INTS6L: variants seen among roughly 807,000 people sequenced by gnomAD.
INTS6L encodes the protein integrator complex subunit 6-like.
INTS6L carries 18 observed loss-of-function variants against 64.7 expected under a neutral mutation model. That is an observed-to-expected ratio of 0.28 (90% CI 0.19 to 0.41). The LOEUF (loss-of-function observed/expected upper bound fraction) is 0.41. INTS6L is among the 10% of genes least tolerant of loss of function. The pLI, the probability that INTS6L is intolerant of heterozygous loss-of-function variation, is 1.00. For missense variants in INTS6L, 533 were observed against 661.0 expected, an observed-to-expected ratio of 0.81 and a Z score of 2.12; for synonymous variants, 227 against 235.9, an observed-to-expected ratio of 0.96 and a Z score of 0.34.
chrX:135,580,010 A>G lies in INTS6L; in HGVS notation c.2342A>G (p.Asn781Ser). 1 of 1,211,918 alleles carries G rather than the reference A, an allele frequency of 8.3e-7. No individual in the cohort carries two copies. Among genetic ancestry groups the G allele is most frequent in the Non-Finnish European group, 1.1e-6 (1 of 895,514 alleles). ...GSNAFVGGAK[N>S]CSLSVDDQKD... Reference sequence around the variant, plus strand: ...AACGCATTTGTAGGAGGAGCCAAAAACTGCAGTCTCTCCGTAGATGACCAA... The same window carrying G: ...AACGCATTTGTAGGAGGAGCCAAAAGCTGCAGTCTCTCCGTAGATGACCAA... Residue 781 changes from asparagine (N) to serine (S), a missense_variant, in exon 16 of 18, where the codon AAC (asparagine) becomes AGC (serine). Transcript: ENST00000639893.
intron 8 of INTS6L, among the ~76,000 whole-genome samples, chrX:135,554,340 CCT>C (rs1210924589): frequency 9.0e-6 from 1 of 111,687 alleles, no homozygotes; most frequent in Non-Finnish European, 1.9e-5. Context: ...ATGAATTTTT[CCT>C]CTCTTCTAAT....
intron 2 of INTS6L, among the ~76,000 whole-genome samples, chrX:135,543,129 C>T (rs782275666): frequency 4.2e-4 from 47 of 111,427 alleles, no homozygotes; most frequent in African/African-American, 1.5e-3. Context: ...GCTTCAGCCT[C>T]CCCTCCACCC....
rs782314200 is a variant in INTS6L at position 135,572,873 on chromosome X, T to C, written c.1457T>C (p.Ile486Thr). Residue 486 changes from isoleucine (I) to threonine (T), a missense_variant, in exon 12 of 18, where the codon ATT becomes ACT. Ile to Thr is a moderately conservative substitution (Grantham distance 89). Transcript: ENST00000639893. ...ASVGKKPPQE[I>T]GIKVKNHSGG... ...GTGGGGAAGAAACCTCCCCAGGAAA[T>C]TGGAATTAAAGTGAAAAATCATTCT... The C allele has an allele frequency of 1.1e-5, 13 of 1,209,529 alleles. No homozygotes were observed. The highest frequency in any genetic ancestry group is 1.1e-4 in the South Asian group (6 of 56,775).
chrX:135,536,537 G>A (rs1043768907), intron 2 of INTS6L, among the ~76,000 whole-genome samples: 1 of 111,426 alleles, frequency 9.0e-6, no homozygotes, highest in African/African-American at 3.3e-5. Flanking sequence ...GATAGAACAG[G>A]AGTTTTTCAG....
chrX:135,574,942 G>C (rs782438745), intron 13 of INTS6L, 142 bp from the exon 14 acceptor site: 4 of 572,881 alleles, frequency 7.0e-6, no homozygotes, highest in South Asian at 6.5e-5. Flanking sequence ...GATGATTCTA[G>C]ATCCTAGAAT....
intron 9 of INTS6L, among the ~76,000 whole-genome samples, chrX:135,561,908 G>A (rs1472906572): frequency 9.0e-6 from 1 of 111,071 alleles, no homozygotes; most frequent in African/African-American, 3.3e-5. Flanking sequence ...TTGATAATAC[G>A]GGTCTTATGT....
intron 2 of INTS6L, among the ~76,000 whole-genome samples, chrX:135,524,627 T>G (rs1036449081): frequency 9.0e-6 from 1 of 111,571 alleles, no homozygotes; most frequent in Non-Finnish European, 1.9e-5. Context: ...TGCATTTGGT[T>G]GGAAGATTTT....
At chrX:135,534,830 AT>A (rs2086010652) in intron 2 of INTS6L, among the ~76,000 whole-genome samples, 1 of 108,895 alleles carries the variant, frequency 9.2e-6, no homozygotes, top group South Asian at 4.1e-4. Context: ...TGGTTGGCTA[AT>A]TTGTATGTTA....
intron 9 of INTS6L, among the ~76,000 whole-genome samples, chrX:135,557,761 G>A (rs1207860105): frequency 1.8e-5 from 2 of 111,956 alleles, no homozygotes; most frequent in Non-Finnish European, 3.8e-5. Flanking sequence ...GACCTCAAAA[G>A]CACAGGCTGC....
chrX:135,528,873 C>CA (rs202219423), intron 2 of INTS6L, among the ~76,000 whole-genome samples: 4 of 78,163 alleles, frequency 5.1e-5, no homozygotes, highest in South Asian at 2.2e-3. Flanking sequence ...AACACCCCCC[C>CA]CCCCGACCCA....
intron 2 of INTS6L, among the ~76,000 whole-genome samples, chrX:135,540,612 C>G (rs1311012089): frequency 9.0e-6 from 1 of 110,918 alleles, no homozygotes; most frequent in Non-Finnish European, 1.9e-5. Flanking sequence ...CCAAGTCTGT[C>G]CTATTTGTTT....
At chrX:135,578,971 G>A (rs536789414) in intron 15 of INTS6L, among the ~76,000 whole-genome samples, 34 of 111,610 alleles carry the variant, frequency 3.0e-4, no homozygotes, top group African/African-American at 1.0e-3. Flanking sequence ...AAGACTGCAC[G>A]GCTGGCCTCT....
At chrX:135,570,918 G>A (rs1202048380) in intron 11 of INTS6L, 5 of 132,727 alleles carry the variant, frequency 3.8e-5, no homozygotes, top group Non-Finnish European at 6.1e-5. Context: ...ACACTGAGGC[G>A]TGGTGTGATT....
At chrX:135,562,374 C>T (rs1481361218) in intron 9 of INTS6L, among the ~76,000 whole-genome samples, 4 of 112,134 alleles carry the variant, frequency 3.6e-5, no homozygotes, top group African/African-American at 6.5e-5. Flanking sequence ...CATCTGTATT[C>T]GATATCTACT....
At chrX:135,550,202 A>G (rs1556516591) in intron 7 of INTS6L, among the ~76,000 whole-genome samples, 1 of 112,388 alleles carries the variant, frequency 8.9e-6, no homozygotes, top group Non-Finnish European at 1.9e-5. Flanking sequence ...CATAGTTTAC[A>G]CCTTGGATAG....
chrX:135,524,517 T>G (rs911645726), intron 2 of INTS6L, among the ~76,000 whole-genome samples: 13 of 111,302 alleles, frequency 1.2e-4, no homozygotes, highest in Non-Finnish European at 2.1e-4. Flanking sequence ...AACTGCTTAT[T>G]TCTTAGGTCT....
At chrX:135,548,367 G>C (rs138490685) in intron 6 of INTS6L, among the ~76,000 whole-genome samples, 5 of 110,869 alleles carry the variant, frequency 4.5e-5, no homozygotes, top group Non-Finnish European at 9.5e-5. Context: ...GGTTTTTTGG[G>C]CCTCCAAGTT....
At position 135,520,739 on chromosome X, in the gene INTS6L, A is replaced by G; in HGVS notation, c.-254A>G. The G allele has an allele frequency of 2.7e-6, 1 of 365,613 alleles. No homozygotes were observed. The highest frequency in any genetic ancestry group is 4.8e-6 in the Non-Finnish European group (1 of 209,143). The allele number at this position is 365,613 out of a possible 1,213,427, so 30.1% of individuals were successfully genotyped here. On this transcript the variant is annotated 5_prime_UTR_variant, in exon 1 of 18. Transcript: ENST00000639893. ...GCAGCGGCAGTAGTGGTGGCAGCAG[A>G]AGAGAGGAAGGGGGAGGGCCCCGAG...
chrX:135,560,749 C>T (rs2086767135), intron 9 of INTS6L, among the ~76,000 whole-genome samples: 1 of 108,434 alleles, frequency 9.2e-6, no homozygotes, highest in South Asian at 4.1e-4. Flanking sequence ...GAGGCTGAGG[C>T]GGGAGAATCA....
Sources: gnomAD v4.1 joint callset for allele counts (sites outside exome capture counted in the v4.1 genomes callset) on GRCh38, gnomAD v4.1.1 for gene constraint, MANE v1.5 for transcripts, NCBI Gene and HGNC (gene_info 2026-07-23, HGNC 2026-07-21) for gene names.